The following PLEKHA6 variants were observed in gnomAD, a reference collection of about 807,000 sequenced individuals.
PLEKHA6 encodes the protein pleckstrin homology domain containing A6.
PLEKHA6 carries 60 observed loss-of-function variants against 116.7 expected under a neutral mutation model. The observed-to-expected ratio is 0.51, with a 90% CI of 0.42 to 0.64. The LOEUF is 0.64. Among genes scored for constraint, PLEKHA6 ranks in the 30% least tolerant of loss-of-function variants. The pLI is 0.00. For synonymous variants in PLEKHA6, 489 were observed against 556.1 expected (o/e 0.88, Z 1.70); for missense variants, 1,338 against 1,422.7 (o/e 0.94, Z 0.96).
At chr1:204,275,834 A>T in intron 1 of PLEKHA6, 1 of 389,838 alleles carries the variant, frequency 2.6e-6, no homozygotes, top group Non-Finnish European at 3.5e-6. Flanking sequence ...GGGCCTTTTC[A>T]CCCATTCCTC....
In PLEKHA6 at chr1:204,273,704, T is replaced by C; in HGVS notation, c.24A>G (p.Lys8=). The C allele has an allele frequency of 1.9e-6, 3 of 1,613,980 alleles. No homozygotes were observed. Among genetic ancestry groups the C allele is most frequent in the Non-Finnish European group, 1.7e-6 (2 of 1,179,932 alleles). The change falls in exon 3 of 23, where the codon AAA becomes AAG. Residue 8 remains lysine (K), a synonymous_variant. Transcript: ENST00000272203. MSNKTGG[K]RPATTNSDIP... ...TGTCACTGTTGGTGGTAGCCGGGCG[T>C]TTCCCACCTGTTTTATTGGACATGT... is the stretch of plus-strand genomic sequence containing the variant.
chr1:204,341,146 G>C (rs552706265), intron 1 of PLEKHA6, among the ~76,000 whole-genome samples: 1 of 152,234 alleles, frequency 6.6e-6, no homozygotes, highest in Non-Finnish European at 1.5e-5. Flanking sequence ...CCCAGAAGAT[G>C]TGTACCAGGC....
intron 3 of PLEKHA6, among the ~76,000 whole-genome samples, chr1:204,365,108 G>A (rs1476853236): frequency 6.6e-6 from 1 of 152,142 alleles, no homozygotes; most frequent in East Asian, 1.9e-4. Context: ...CAAGTGATTT[G>A]GCAGGGCTAG....
At chr1:204,349,042 C>G (rs576134231) in intron 1 of PLEKHA6, among the ~76,000 whole-genome samples, 4 of 152,174 alleles carry the variant, frequency 2.6e-5, no homozygotes, top group Admixed American at 6.5e-5. Context: ...CCCTCAGACA[C>G]GGAGGGAACA....
chr1:204,340,017 A>AT (rs1421489766), intron 1 of PLEKHA6, among the ~76,000 whole-genome samples: 1 of 152,240 alleles, frequency 6.6e-6, no homozygotes, highest in East Asian at 1.9e-4. Context: ...TTGCTTACCC[A>AT]TTTTTAGGCA....
At chr1:204,325,901 T>A (rs1672225228) in intron 1 of PLEKHA6, 1 of 985,152 alleles carries the variant, frequency 1.0e-6, no homozygotes, top group African/African-American at 1.7e-5. Context: ...ATTTCCAGGC[T>A]GCCAAAGCCA....
At chr1:204,271,723 C>T (rs1667471716) in intron 3 of PLEKHA6, among the ~76,000 whole-genome samples, 1 of 152,218 alleles carries the variant, frequency 6.6e-6, no homozygotes, top group South Asian at 2.1e-4. Flanking sequence ...TACCTGCCTT[C>T]CCTGCTCTCA....
intron 1 of PLEKHA6, among the ~76,000 whole-genome samples, chr1:204,345,581 C>T (rs183830258): frequency 1.4e-3 from 209 of 152,254 alleles, no homozygotes; most frequent in African/African-American, 4.7e-3. Flanking sequence ...AGGATCTCCC[C>T]GTTACCCTCC....
chr1:204,368,076 G>A (rs753187835), intron 2 of PLEKHA6, among the ~76,000 whole-genome samples: 20 of 152,322 alleles, frequency 1.3e-4, no homozygotes, highest in Non-Finnish European at 1.9e-4. Context: ...GGGAGTGGAC[G>A]GGATGTCCTC....
intron 3 of PLEKHA6, among the ~76,000 whole-genome samples, chr1:204,365,569 A>C (rs1456907580): frequency 1.3e-5 from 2 of 152,242 alleles, no homozygotes; most frequent in Non-Finnish European, 2.9e-5. Context: ...CAATGACTTC[A>C]AGTCTGGACA....
intron 1 of PLEKHA6, chr1:204,301,118 A>T: frequency 3.2e-6 from 1 of 315,482 alleles, no homozygotes; most frequent in Non-Finnish European, 4.6e-6. Context: ...GTAATAAACA[A>T]TGTGTACCAC....
At position 204,259,252 on chromosome 1, in the gene PLEKHA6, C is replaced by T. The variant is rs1342991833; in HGVS notation, c.1007+6G>A. ...CAGCCCCACCCCAGCCGCCGGCATG[C>T]CTCACCTCCGAAGGTCTTCAGGCGG... On this transcript the variant is annotated splice_donor_region_variant and intron_variant, in intron 8 of 22. Transcript: ENST00000272203. The surrounding 1 kb of genome is among the most constrained non-coding windows in gnomAD (Gnocchi z 4.6). 1 of 1,612,046 alleles carries T rather than the reference C, an allele frequency of 6.2e-7. No individual in the cohort carries two copies. Among genetic ancestry groups the T allele is most frequent in the Non-Finnish European group, 8.5e-7 (1 of 1,179,096 alleles).
Position 204,230,711 on chromosome 1 carries a change from A to G in PLEKHA6, c.2410-125T>C. On this transcript the variant is annotated intron_variant, in intron 17 of 22. Coordinates refer to ENST00000272203, the MANE Select transcript of PLEKHA6 (RefSeq NM_014935.5). ...TGTAGTGGACTGAAGAGTGGTCCCC[A>G]AAAGATATGTCCAAGTCCCAACCCC... The G allele has an allele frequency of 4.0e-6, 3 of 754,444 alleles. No individual in the cohort carries two copies. The South Asian group carries it at 5.9e-5, about 15-fold the overall frequency. 46.7% of individuals were successfully genotyped at this position (754,444 alleles called of 1,614,324 possible).
At chr1:204,295,414 C>T (rs6673447) in intron 1 of PLEKHA6, among the ~76,000 whole-genome samples, 30,129 of 150,226 alleles carry the variant, frequency 0.2, 3,493 homozygotes, top group Non-Finnish European at 0.26. Flanking sequence ...CGCTTGAATC[C>T]GGGAGGCGGA....
Position 204,293,762 on chromosome 1 carries a change from C to T in PLEKHA6, c.-94-18953G>A, listed in dbSNP as rs139496424. ...TTGTACCTAAGGGGAGTGTATTAAT[C>T]GCCTTACTCTAGTCAGCCCTGCTCA... On this transcript the variant is annotated intron_variant, in intron 1 of 22. Coordinates refer to ENST00000272203, the MANE Select transcript of PLEKHA6 (RefSeq NM_014935.5). Among the ~76,000 whole-genome samples, 890 of 152,236 alleles carry T rather than the reference C, an allele frequency of 5.8e-3. 2 individuals are homozygous for T. Among genetic ancestry groups the T allele is most frequent in the Non-Finnish European group, 9.9e-3 (670 of 68,012 alleles).
intron 1 of PLEKHA6, among the ~76,000 whole-genome samples, chr1:204,312,994 C>T (rs1178708888): frequency 6.7e-6 from 1 of 150,060 alleles, no homozygotes; most frequent in African/African-American, 2.5e-5. Flanking sequence ...CTTCTCAAAG[C>T]ACAGGCCCTT....
intron 17 of PLEKHA6, among the ~76,000 whole-genome samples, 178 bp downstream of exon 17, chr1:204,241,197 A>G (rs1662757278): frequency 6.6e-6 from 1 of 152,152 alleles, no homozygotes; most frequent in East Asian, 1.9e-4. Flanking sequence ...ATCCCCTGAC[A>G]CATCTCCCTG....
In PLEKHA6 at chr1:204,263,444, C is replaced by T. The variant is rs59265062; in HGVS notation, c.381+1498G>A. Among the ~76,000 whole-genome samples the T allele has an allele frequency of 8.0e-3, 1,216 of 152,276 alleles. 16 individuals carry two copies. Among genetic ancestry groups the T allele is most frequent in the African/African-American group, 0.028 (1,156 of 41,562 alleles). On this transcript the variant is annotated intron_variant, in intron 6 of 22. Transcript: ENST00000272203. ...ACAACAGGACAAGCCTCCCATCTGT[C>T]TCAGCTCCCCTCCCTTCCCTGGGGA... is the stretch of plus-strand genomic sequence containing the variant.
rs549211997 is a variant in PLEKHA6, at chr1:204,228,655, C to T, written c.2885+73G>A. The T allele has an allele frequency of 3.0e-5, 43 of 1,456,822 alleles. No individual in the cohort carries two copies. Among genetic ancestry groups the T allele is most frequent in the Admixed American group, 6.7e-5 (4 of 59,332 alleles). The allele number at this position is 1,456,822 out of a possible 1,614,324, so 90.2% of individuals were successfully genotyped here. ...CCCTGGGGAGGCTCTGTGCCCCCAA[C>T]GACTTCTAGTGGCCCAGGTGTCCTA... On this transcript the variant is annotated intron_variant, in intron 20 of 22. Coordinates refer to ENST00000272203, the MANE Select transcript of PLEKHA6 (RefSeq NM_014935.5). The surrounding 1 kb of genome is among the most constrained non-coding windows in gnomAD (Gnocchi z 4.0).
Sources: allele counts gnomAD v4.1 joint callset (sites outside exome capture counted in the v4.1 genomes callset), GRCh38; gene constraint gnomAD v4.1.1; non-coding constraint Gnocchi (gnomAD v3.1); transcripts MANE v1.5; gene names NCBI Gene and HGNC (gene_info 2026-07-23, HGNC 2026-07-21).